TRAF3IP1: variants seen among roughly 807,000 people sequenced by gnomAD.
TRAF3IP1 encodes TRAF3-interacting protein 1.
Under a neutral mutation model 89.9 loss-of-function variants are expected in TRAF3IP1, and 53 were observed. The ratio of observed to expected loss-of-function variants is 0.59; its 90% CI spans 0.47 to 0.74. The LOEUF is 0.74. TRAF3IP1 is among the 30% of genes least tolerant of loss of function. The pLI, the probability that TRAF3IP1 is intolerant of heterozygous loss-of-function variation, is 0.00. For synonymous variants in TRAF3IP1, 311 were observed against 322.1 expected (o/e 0.97, Z 0.37); for missense variants, 806 against 866.1 (o/e 0.93, Z 0.87).
intron 13 of TRAF3IP1, 64 bp downstream of exon 13, chr2:238,353,014 C>A: frequency 6.5e-7 from 1 of 1,548,752 alleles, no homozygotes; most frequent in Non-Finnish European, 8.8e-7. Flanking sequence ...GATTAATAGT[C>A]TAGCTTTTAG....
rs182590191 is a variant in TRAF3IP1 at position 238,350,881 on chromosome 2, A to G, written c.1451+1473A>G. Among the ~76,000 whole-genome samples, 17 of 152,188 alleles carry G rather than the reference A, an allele frequency of 1.1e-4. No homozygotes were observed. In the East Asian group the frequency reaches 3.3e-3, roughly 29 times the overall value. Reference sequence around the variant, plus strand: ...GGGCTCGGCTGTGCCAAGCAAGTGCACCGAGAGAGAAGGGAAGGAGTAGGA... The same window carrying G: ...GGGCTCGGCTGTGCCAAGCAAGTGCGCCGAGAGAGAAGGGAAGGAGTAGGA... On this transcript the variant is annotated intron_variant, in intron 12 of 16. Transcript: ENST00000373327.
Position 238,327,182 on chromosome 2 carries a change from G to A in TRAF3IP1, c.354+1212G>A, listed in dbSNP as rs115262513. ...CGGCCCTGGCCGGCTGTCTCCCGTC[G>A]GCCTCTTGCCCTGGTGCCTGCTGGC... On this transcript the variant is annotated intron_variant, in intron 3 of 16. Transcript: ENST00000373327. Among the ~76,000 whole-genome samples, 328 of 152,228 alleles carry A rather than the reference G, an allele frequency of 2.2e-3. 1 individual carries two copies. The highest frequency in any genetic ancestry group is 7.4e-3 in the African/African-American group (306 of 41,540).
At chr2:238,320,942 T>A in intron 1 of TRAF3IP1, 157 bp downstream of exon 1, 1 of 512,102 alleles carries the variant, frequency 2.0e-6, no homozygotes, top group Non-Finnish European at 2.8e-6. Flanking sequence ...CCGGGCCGGG[T>A]GTGAACCGGG....
At chr2:238,336,198 TC>T (rs1399671075) in intron 7 of TRAF3IP1, among the ~76,000 whole-genome samples, 2 of 152,202 alleles carry the variant, frequency 1.3e-5, no homozygotes, top group Non-Finnish European at 2.9e-5. Flanking sequence ...GATATGTGCA[TC>T]TGTGTTTACT....
chr2:238,375,585 G>T (rs904620440), intron 15 of TRAF3IP1, among the ~76,000 whole-genome samples: 7 of 152,194 alleles, frequency 4.6e-5, no homozygotes, highest in Admixed American at 3.3e-4. Context: ...GCGATGTGGT[G>T]CTGAGAAGAA....
chr2:238,348,856 T>A lies in TRAF3IP1; in HGVS notation c.1367+8T>A, dbSNP rs199632582. The A allele has an allele frequency of 3.7e-4, 598 of 1,613,380 alleles. No individual in the cohort carries two copies. Among genetic ancestry groups the A allele is most frequent in the Non-Finnish European group, 3.0e-5 (35 of 1,179,334 alleles). On this transcript the variant is annotated splice_region_variant and intron_variant, in intron 11 of 16. Coordinates refer to ENST00000373327, the MANE Select transcript of TRAF3IP1 (RefSeq NM_015650.4). ...GCTTTCATCCAACATCAGGTCTGTG[T>A]GCTTTGAATCCCTTTCCCTCAGCAG... is the stretch of plus-strand genomic sequence containing the variant.
chr2:238,354,240 TACG>T (rs1699304851), intron 14 of TRAF3IP1, among the ~76,000 whole-genome samples: 1 of 152,244 alleles, frequency 6.6e-6, no homozygotes, highest in South Asian at 2.1e-4. Flanking sequence ...TGTTTTCTGA[TACG>T]ACAAGGTGTT....
At chr2:238,394,557 A>G (rs1350246028) in intron 15 of TRAF3IP1, among the ~76,000 whole-genome samples, 1 of 152,176 alleles carries the variant, frequency 6.6e-6, no homozygotes, top group Non-Finnish European at 1.5e-5. Flanking sequence ...TGTCAATGGC[A>G]TTGTATTTTT....
At position 238,320,688 on chromosome 2, in the gene TRAF3IP1, C is replaced by G. The variant is rs1214100414; in HGVS notation, c.26C>G (p.Thr9Arg). The change falls in exon 1 of 17, where the codon ACG (threonine) becomes AGG (arginine). Residue 9 changes from threonine to arginine, a missense_variant. Physicochemically the swap from Thr to Arg is moderately conservative, Grantham distance 71 (BLOSUM62 -1). This residue lies in a region of TRAF3IP1 where 732 missense variants were observed against 780.5 expected (regional missense o/e 0.94). Transcript: ENST00000373327. MNAAVVRR[T>R]QEALGKVIRR... ...ATGAACGCGGCGGTGGTGAGGCGGA[C>G]GCAGGAGGCGCTGGGGAAAGTGATT... 7.1e-7 allele frequency: 1 copy of G among 1,417,486 alleles called. No homozygotes were observed. Among genetic ancestry groups the G allele is most frequent in the Non-Finnish European group, 9.3e-7 (1 of 1,071,330 alleles). 87.8% of individuals were successfully genotyped at this position (1,417,486 alleles called of 1,614,324 possible). A position where few individuals can be genotyped will look rare whatever the true frequency, so the allele number is the denominator to read the frequency against.
At chr2:238,334,816 C>T (rs1169633546) in intron 7 of TRAF3IP1, among the ~76,000 whole-genome samples, 1 of 152,212 alleles carries the variant, frequency 6.6e-6, no homozygotes, top group Non-Finnish European at 1.5e-5. Context: ...TGGTTGACCG[C>T]TGTGGGGTAG....
intron 15 of TRAF3IP1, among the ~76,000 whole-genome samples, chr2:238,372,595 T>G (rs781419131): frequency 6.6e-6 from 1 of 152,242 alleles, no homozygotes; most frequent in Non-Finnish European, 1.5e-5. Flanking sequence ...TAAACGTACA[T>G]GTCCATGTGT....
rs199664401 is a variant in TRAF3IP1, at chr2:238,397,580, T to G, written c.1811T>G (p.Met604Arg). 1.2e-5 allele frequency: 19 copies of G among 1,612,862 alleles called. No homozygotes were observed. Among genetic ancestry groups the G allele is most frequent in the African/African-American group, 2.7e-5 (2 of 74,908 alleles). Residue 604 changes from methionine (M) to arginine (R), a missense_variant, in exon 16 of 17, where the codon ATG becomes AGG. Around this residue, in one of 3 missense-constraint regions of TRAF3IP1, gnomAD observed 732 missense variants for 780.5 expected, o/e 0.94. Transcript: ENST00000373327. ...CKSALPLGKI[M>R]DYIQEDVDAM... ...AGCGCACTTCCCCTGGGGAAGATCA[T>G]GGACTACATCCAGGAAGACGTGGAT...
At chr2:238,325,442 T>C in intron 2 of TRAF3IP1, 68 bp downstream of exon 2, 1 of 1,509,898 alleles carries the variant, frequency 6.6e-7, no homozygotes, top group East Asian at 2.3e-5. Flanking sequence ...GTAGGCCTGG[T>C]AGTGTGGCTT....
chr2:238,338,584 A>T (rs1293326271), intron 8 of TRAF3IP1, 127 bp downstream of exon 8: 3 of 563,650 alleles, frequency 5.3e-6, no homozygotes, highest in Admixed American at 7.4e-5. Context: ...CTTTTTCATG[A>T]TGTATTGAAG....
At chr2:238,374,811 G>A (rs1230514945) in intron 15 of TRAF3IP1, among the ~76,000 whole-genome samples, 2 of 152,138 alleles carry the variant, frequency 1.3e-5, no homozygotes, top group Non-Finnish European at 2.9e-5. Flanking sequence ...TTCAGAGCCT[G>A]TTATTGGTCT....
At chr2:238,324,040 A>G (rs1697688951) in intron 1 of TRAF3IP1, among the ~76,000 whole-genome samples, 1 of 152,196 alleles carries the variant, frequency 6.6e-6, no homozygotes, top group South Asian at 2.1e-4. Context: ...TTCTAGTCTT[A>G]GCAAACTAGG....
At position 238,328,730 on chromosome 2, in the gene TRAF3IP1, G is replaced by C. The variant is rs943929856; in HGVS notation, c.399G>C (p.Lys133Asn). 1 of 1,614,006 alleles carries C rather than the reference G, an allele frequency of 6.2e-7. No individual in the cohort carries two copies. Among genetic ancestry groups the C allele is most frequent in the Admixed American group, 1.7e-5 (1 of 59,992 alleles). Residue 133 changes from lysine (K) to asparagine (N), a missense_variant, in exon 4 of 17, where the codon AAG becomes AAC. Transcript: ENST00000373327. ...DAVRRVLAGE[K>N]GEVKGRASLT... The stretch of plus-strand genomic sequence containing the variant: ...TGCGGAGGGTTTTAGCTGGAGAGAA[G>C]GGAGAAGTGAAAGGCCGGGCCTCAC...
chr2:238,340,831 G>A (rs546436883), intron 8 of TRAF3IP1, among the ~76,000 whole-genome samples: 7,148 of 81,440 alleles, frequency 0.088, 328 homozygotes, highest in African/African-American at 0.18. Flanking sequence ...GTGTGTGTGT[G>A]TGTATATATA....
At chr2:238,325,266 T>G (rs371896496) in intron 1 of TRAF3IP1, 40 bp from the exon 2 acceptor site, 31 of 1,603,790 alleles carry the variant, frequency 1.9e-5, no homozygotes, top group African/African-American at 1.5e-4. Context: ...GAGGAGGCTG[T>G]CTGTGAGGTG....
Sources: allele counts gnomAD v4.1 joint callset (sites outside exome capture counted in the v4.1 genomes callset), GRCh38; gene constraint gnomAD v4.1.1; regional missense constraint gnomAD v4.1.1; transcripts MANE v1.5; gene names NCBI Gene and HGNC (gene_info 2026-07-23, HGNC 2026-07-21).